Variants in RTN1 observed in about 807,000 individuals in gnomAD.
RTN1 encodes the protein reticulon-1.
Under a neutral mutation model 65.5 loss-of-function variants are expected in RTN1, and 25 were observed. That is an observed-to-expected ratio of 0.38 (90% CI 0.28 to 0.53). RTN1 has a LOEUF of 0.53. Ranked by LOEUF, RTN1 falls within the 20% of genes least tolerant of loss-of-function variation. The probability of loss-of-function intolerance (pLI) is 0.79; values close to 1 mark genes in which losing one functional copy is unlikely to be tolerated. For synonymous variants in RTN1, 471 were observed against 447.6 expected (o/e 1.05, Z -0.66); for missense variants, 983 against 1,025.4 (o/e 0.96, Z 0.57).
chr14:59,724,632 A>G (rs1342555487), intron 3 of RTN1, among the ~76,000 whole-genome samples: 1 of 152,066 alleles, frequency 6.6e-6, no homozygotes, highest in African/African-American at 2.4e-5. Context: ...TGGGAGGCCA[A>G]GGCAGGCGGA....
At chr14:59,671,342 TCTC>T (rs1256848611) in intron 3 of RTN1, among the ~76,000 whole-genome samples, 3 of 152,180 alleles carry the variant, frequency 2.0e-5, no homozygotes, top group African/African-American at 7.2e-5. Context: ...TTGAAGAAAT[TCTC>T]CTCATTACTT....
chr14:59,613,762 G>A (rs545161604), intron 3 of RTN1, among the ~76,000 whole-genome samples: 1 of 151,370 alleles, frequency 6.6e-6, no homozygotes, highest in Non-Finnish European at 1.5e-5. Flanking sequence ...GGTAGCCTGA[G>A]ATTCATTGGG....
chr14:59,793,643 C>T (rs1886390142), intron 1 of RTN1, among the ~76,000 whole-genome samples: 1 of 151,222 alleles, frequency 6.6e-6, no homozygotes, highest in South Asian at 2.1e-4. Context: ...ACACCACACA[C>T]ACACACACAC....
Position 59,737,561 on chromosome 14 carries a change from C to A in RTN1, c.1015+8147G>T, listed in dbSNP as rs568779027. On this transcript the variant is annotated intron_variant, in intron 2 of 8. Coordinates refer to ENST00000267484, the MANE Select transcript of RTN1 (RefSeq NM_021136.3). ...TTCCATGCTCATGGATATGAAGAATCAATATCATGAAAATGGCCATACTCC... is the reference window on the plus strand; with the variant it reads ...TTCCATGCTCATGGATATGAAGAATAAATATCATGAAAATGGCCATACTCC... 2.0e-5 allele frequency among the ~76,000 whole-genome samples: 3 copies of A among 152,270 alleles called. No individual in the cohort carries two copies. The East Asian group carries it at 5.8e-4, about 29-fold the overall frequency.
chr14:59,750,325 A>G (rs759907272), intron 1 of RTN1, among the ~76,000 whole-genome samples: 1 of 22,800 alleles, frequency 4.4e-5, no homozygotes, highest in Non-Finnish European at 6.8e-5. Context: ...TATCTATAAT[A>G]TATAATATAT....
At chr14:59,858,363 G>A (rs1887646555) in intron 1 of RTN1, among the ~76,000 whole-genome samples, 1 of 152,064 alleles carries the variant, frequency 6.6e-6, no homozygotes, top group Admixed American at 6.6e-5. Flanking sequence ...TTCAGAGTGA[G>A]CTGAAAAATT....
At position 59,801,124 on chromosome 14, in the gene RTN1, T is replaced by C. The variant is rs560620431; in HGVS notation, c.242-54643A>G. On this transcript the variant is annotated intron_variant, in intron 1 of 8. Transcript: ENST00000267484. ...CTGGGACAACATCAAACAGGTAACA[T>C]ACATGTAATTAGAATCTCAGAAATA... Among the ~76,000 whole-genome samples, 5 of 152,214 alleles carry C rather than the reference T, an allele frequency of 3.3e-5. No homozygotes were observed. The East Asian group carries it at 9.6e-4, about 29-fold the overall frequency.
intron 1 of RTN1, among the ~76,000 whole-genome samples, chr14:59,780,611 A>C (rs547468414): frequency 3.3e-5 from 5 of 152,314 alleles, no homozygotes; most frequent in Admixed American, 3.3e-4. Context: ...GGCAAATCTC[A>C]GATGTCACAG....
intron 8 of RTN1, among the ~76,000 whole-genome samples, chr14:59,597,260 T>G (rs1359953652): frequency 6.6e-6 from 1 of 152,198 alleles, no homozygotes; most frequent in Non-Finnish European, 1.5e-5. Flanking sequence ...GTAGTCTAAT[T>G]ACCCACAACT....
rs1169083616 is a variant in RTN1, at chr14:59,870,604, G to C, written c.27C>G (p.Asp9Glu). Residue 9 changes from aspartate to glutamate, a missense_variant, in exon 1 of 9, where the codon GAC becomes GAG. By Grantham distance (45) the Asp-to-Glu change is conservative. Transcript: ENST00000267484. The surrounding 1 kb of genome is among the most constrained non-coding windows in gnomAD (Gnocchi z 5.1). MAAPGDPQ[D>E]ELLPLAGPGS... is the part of the protein sequence containing the mutation. ...CGGGGCCGGCCAGCGGCAGCAGCTCGTCCTGCGGATCCCCCGGCGCGGCCA... is the reference window on the plus strand; with the variant it reads ...CGGGGCCGGCCAGCGGCAGCAGCTCCTCCTGCGGATCCCCCGGCGCGGCCA... 11 of 1,433,256 alleles carry C rather than the reference G, an allele frequency of 7.7e-6. No individual in the cohort carries two copies. The highest frequency in any genetic ancestry group is 2.7e-5 in the Admixed American group (1 of 37,132). The allele number at this position is 1,433,256 out of a possible 1,614,324, so 88.8% of individuals were successfully genotyped here.
At position 59,868,336 on chromosome 14, in the gene RTN1, T is replaced by C. The variant is rs1009899226; in HGVS notation, c.241+2054A>G. On this transcript the variant is annotated intron_variant, in intron 1 of 8. Transcript: ENST00000267484. This position sits in a 1 kb window ranked among gnomAD's most constrained non-coding sequence, Gnocchi z 4.0. ...ATGCAAAATATGTGCTCCTTCCATC[T>C]TTCTTCATTCTTCTCCCATCCAAAC... Among the ~76,000 whole-genome samples the C allele has an allele frequency of 5.3e-5, 8 of 152,220 alleles. No individual in the cohort carries two copies. The highest frequency in any genetic ancestry group is 1.7e-4 in the African/African-American group (7 of 41,446).
chr14:59,673,837 C>T (rs1388848035), intron 3 of RTN1, among the ~76,000 whole-genome samples: 1 of 152,152 alleles, frequency 6.6e-6, no homozygotes, highest in African/African-American at 2.4e-5. Flanking sequence ...CCCTGTCTGT[C>T]TATCTGACAG....
At chr14:59,687,233 C>T (rs900925250) in intron 3 of RTN1, among the ~76,000 whole-genome samples, 3 of 152,190 alleles carry the variant, frequency 2.0e-5, no homozygotes, top group African/African-American at 7.2e-5. Flanking sequence ...AGGCAGAAAT[C>T]CAGGCATTTG....
intron 1 of RTN1, among the ~76,000 whole-genome samples, chr14:59,764,908 A>T (rs1885820901): frequency 6.6e-6 from 1 of 152,186 alleles, no homozygotes; most frequent in South Asian, 2.1e-4. Flanking sequence ...ATGTTCTACA[A>T]TTCATTTAAG....
At chr14:59,753,495 C>A (rs1188165106) in intron 1 of RTN1, among the ~76,000 whole-genome samples, 1 of 152,100 alleles carries the variant, frequency 6.6e-6, no homozygotes, top group Non-Finnish European at 1.5e-5. Context: ...GTAGTTATGT[C>A]CCATTTTAAA....
Position 59,848,173 on chromosome 14 carries a change from G to T in RTN1, c.241+22217C>A, listed in dbSNP as rs144321247. 6.8e-3 allele frequency among the ~76,000 whole-genome samples: 1,032 copies of T among 152,244 alleles called. 11 individuals carry two copies. Among genetic ancestry groups the T allele is most frequent in the African/African-American group, 0.024 (985 of 41,528 alleles). ...ACCATTATTATGCCTTTTATCTACA[G>T]AAAAGTAGGATCTAACTTGTAATGG... On this transcript the variant is annotated intron_variant, in intron 1 of 8. Coordinates refer to ENST00000267484, the MANE Select transcript of RTN1 (RefSeq NM_021136.3).
chr14:59,628,303 G>A (rs551623079), intron 3 of RTN1, among the ~76,000 whole-genome samples: 38 of 152,232 alleles, frequency 2.5e-4, no homozygotes, highest in African/African-American at 8.2e-4. Flanking sequence ...GGCATCCTTC[G>A]TGGTTTTTAA....
chr14:59,652,953 G>T (rs1192584703), intron 3 of RTN1, among the ~76,000 whole-genome samples: 3 of 151,932 alleles, frequency 2.0e-5, no homozygotes, highest in African/African-American at 2.4e-5. Flanking sequence ...ATTAATGTAG[G>T]TATAATAGGA....
intron 3 of RTN1, among the ~76,000 whole-genome samples, chr14:59,641,126 T>C (rs1882770515): frequency 6.6e-6 from 1 of 151,840 alleles, no homozygotes; most frequent in African/African-American, 2.4e-5. Flanking sequence ...ACGTGGCTAA[T>C]TTTTTTGGGG....
Sources: allele counts gnomAD v4.1 joint callset (sites outside exome capture counted in the v4.1 genomes callset), GRCh38; gene constraint gnomAD v4.1.1; non-coding constraint Gnocchi (gnomAD v3.1); transcripts MANE v1.5; gene names NCBI Gene and HGNC (gene_info 2026-07-23, HGNC 2026-07-21).